The following ABHD17C variants were observed in gnomAD, a reference collection of about 807,000 sequenced individuals.
ABHD17C encodes abhydrolase domain containing 17C, depalmitoylase, also known as alpha/beta hydrolase domain-containing protein 17C.
Under a neutral mutation model 27.9 loss-of-function variants are expected in ABHD17C, and 11 were observed. The observed-to-expected ratio is 0.39, with a 90% confidence interval of 0.25 to 0.65. The LOEUF (loss-of-function observed/expected upper bound fraction) is 0.65, where lower values mean the gene tolerates loss of function less well. Ranked by LOEUF, ABHD17C falls within the 30% of genes least tolerant of loss-of-function variation. ABHD17C has a pLI of 0.45. For synonymous variants in ABHD17C, 233 were observed against 209.1 expected, an observed-to-expected ratio of 1.11 and a Z score of -0.98; for missense variants, 280 against 470.2, an observed-to-expected ratio of 0.60 and a Z score of 3.74.
rs1448680140 is a variant in ABHD17C, at chr15:80,733,990, TA to T, written c.591-15522del. On this transcript the variant is annotated intron_variant, in intron 1 of 2. Coordinates refer to ENST00000258884, the MANE Select transcript of ABHD17C (RefSeq NM_021214.2). ...TTATTTATTTATTTATTTATTTATT[TA>T]TTTATTTTTTTAAAACAGGGTCTGG... 8.7e-3 allele frequency among the ~76,000 whole-genome samples: 1,162 copies of T among 133,770 alleles called. 9 individuals are homozygous for T. Among genetic ancestry groups the T allele is most frequent in the Middle Eastern group, 0.027 (7 of 260 alleles). 87.8% of individuals were successfully genotyped at this position (133,770 alleles called of 152,430 possible). A position where few individuals can be genotyped will look rare whatever the true frequency, so the allele number is the denominator to read the frequency against.
At chr15:80,729,210 G>A (rs974565813) in intron 1 of ABHD17C, among the ~76,000 whole-genome samples, 2 of 152,178 alleles carry the variant, frequency 1.3e-5, no homozygotes, top group Non-Finnish European at 2.9e-5. Flanking sequence ...GCCTCACAGA[G>A]AGAACCTAGC....
chr15:80,701,223 C>CTCAGGG (rs1243026823), intron 1 of ABHD17C, among the ~76,000 whole-genome samples: 2 of 152,100 alleles, frequency 1.3e-5, no homozygotes, highest in South Asian at 2.1e-4. Context: ...AGCCAGCAGT[C>CTCAGGG]TCAGGGTGGA....
intron 1 of ABHD17C, among the ~76,000 whole-genome samples, chr15:80,724,684 C>G (rs1390954592): frequency 6.6e-6 from 1 of 152,176 alleles, no homozygotes; most frequent in Non-Finnish European, 1.5e-5. Flanking sequence ...AGAGTTGCCC[C>G]CAAGCTCTGT....
At chr15:80,739,532 T>G (rs1191433320) in intron 1 of ABHD17C, among the ~76,000 whole-genome samples, 1 of 152,152 alleles carries the variant, frequency 6.6e-6, no homozygotes, top group Admixed American at 6.5e-5. Context: ...CTCCCCATGG[T>G]AATGAGTTCT....
At position 80,695,972 on chromosome 15, in the gene ABHD17C, G is replaced by T; in HGVS notation, c.543G>T (p.Lys181Asn). 1.3e-6 allele frequency: 2 copies of T among 1,591,222 alleles called. No individual in the cohort carries two copies. The highest frequency in any genetic ancestry group is 1.7e-6 in the Non-Finnish European group (2 of 1,176,540). Residue 181 changes from lysine (K) to asparagine (N), a missense_variant, in exon 1 of 3, where the codon AAG (lysine) becomes AAT (asparagine). Transcript: ENST00000258884. The surrounding 1 kb of genome is among the most constrained non-coding windows in gnomAD (Gnocchi z 4.3). ...YGVSSGKPSE[K>N]NLYADIDAAW... ...TCAGCTCGGGCAAGCCCTCCGAGAA[G>T]AACCTCTACGCCGACATCGACGCCG...
At chr15:80,748,538 A>T (rs895001078) in intron 1 of ABHD17C, among the ~76,000 whole-genome samples, 1 of 151,896 alleles carries the variant, frequency 6.6e-6, no homozygotes, top group Non-Finnish European at 1.5e-5. Context: ...ACATCTTTCT[A>T]TGTGTGTATT....
At chr15:80,715,560 CTG>C (rs1442767688) in intron 1 of ABHD17C, among the ~76,000 whole-genome samples, 1 of 152,270 alleles carries the variant, frequency 6.6e-6, no homozygotes, top group East Asian at 1.9e-4. Flanking sequence ...TTTTAAAAAA[CTG>C]AAAGGAATGA....
chr15:80,749,488 G>A, intron 1 of ABHD17C, 25 bp from the exon 2 acceptor site: 1 of 1,607,782 alleles, frequency 6.2e-7, no homozygotes, highest in Non-Finnish European at 8.5e-7. Flanking sequence ...CTTAGCTAAT[G>A]GCATACAACC....
intron 1 of ABHD17C, among the ~76,000 whole-genome samples, chr15:80,728,278 C>T (rs1249676250): frequency 6.6e-6 from 1 of 152,240 alleles, no homozygotes; most frequent in Non-Finnish European, 1.5e-5. Flanking sequence ...GCACACTCAC[C>T]TACCTACAAA....
At chr15:80,730,824 A>G (rs892958187) in intron 1 of ABHD17C, among the ~76,000 whole-genome samples, 3 of 152,116 alleles carry the variant, frequency 2.0e-5, no homozygotes, top group Non-Finnish European at 4.4e-5. Context: ...GGATATTGTA[A>G]TTGTTTATGG....
Position 80,754,934 on chromosome 15 carries a change from A to C in ABHD17C, c.*564A>C, listed in dbSNP as rs1279252193. 6.6e-6 allele frequency: 1 copy of C among 152,280 alleles called. No individual in the cohort carries two copies. The highest frequency in any genetic ancestry group is 1.5e-5 in the Non-Finnish European group (1 of 68,080). 9.4% of individuals were successfully genotyped at this position (152,280 alleles called of 1,614,324 possible). On this transcript the variant is annotated 3_prime_UTR_variant, in exon 3 of 3. Coordinates refer to ENST00000258884, the MANE Select transcript of ABHD17C (RefSeq NM_021214.2). ...GTGTACAGCTTCATCAACTGTAACC[A>C]TATAAATATAACTGGAATATTCTTA...
At chr15:80,713,354 C>CTT (rs67320992) in intron 1 of ABHD17C, among the ~76,000 whole-genome samples, 1,137 of 43,822 alleles carry the variant, frequency 0.026, 235 homozygotes, top group African/African-American at 0.096. Context: ...AGGTCTTGTT[C>CTT]TTTTTTTTTT....
intron 2 of ABHD17C, among the ~76,000 whole-genome samples, chr15:80,752,638 C>G (rs1313812674): frequency 6.6e-6 from 1 of 152,204 alleles, no homozygotes; most frequent in African/African-American, 2.4e-5. Flanking sequence ...TTACTTTTAA[C>G]AAAAAGATTC....
chr15:80,708,513 C>T (rs142160286), intron 1 of ABHD17C, among the ~76,000 whole-genome samples: 16,853 of 152,154 alleles, frequency 0.11, 1,185 homozygotes, highest in South Asian at 0.22. Flanking sequence ...ACAGTGTTTT[C>T]GCCATGTTGG....
chr15:80,735,524 C>G (rs1895118437), intron 1 of ABHD17C, among the ~76,000 whole-genome samples: 1 of 152,148 alleles, frequency 6.6e-6, no homozygotes, highest in African/African-American at 2.4e-5. Flanking sequence ...TGTGTGCGTT[C>G]CCAAGCCTTT....
chr15:80,726,501 GTTTTTTTTTTTTTTTTTT>G (rs10572505), intron 1 of ABHD17C, among the ~76,000 whole-genome samples: 1 of 94,508 alleles, frequency 1.1e-5, no homozygotes, highest in Admixed American at 1.3e-4. Flanking sequence ...TCTTTTTCTG[GTTTTTTTTTTTTTTTTTT>G]TTTTTTTTTT....
At chr15:80,738,803 A>G (rs1895167814) in intron 1 of ABHD17C, among the ~76,000 whole-genome samples, 1 of 152,184 alleles carries the variant, frequency 6.6e-6, no homozygotes, top group African/African-American at 2.4e-5. Context: ...TGGGGAGGCT[A>G]GAGTTCAGAT....
intron 1 of ABHD17C, chr15:80,702,803 G>A (rs139427972): frequency 1.3e-5 from 2 of 152,294 alleles, no homozygotes; most frequent in East Asian, 1.9e-4. Flanking sequence ...TATACAGTTA[G>A]GAGATTATTA....
At chr15:80,738,040 C>T (rs1895157824) in intron 1 of ABHD17C, among the ~76,000 whole-genome samples, 1 of 151,226 alleles carries the variant, frequency 6.6e-6, no homozygotes, top group Admixed American at 6.6e-5. Context: ...ATGAGTGGGA[C>T]AGTTTATATA....
Sources: gnomAD v4.1 joint callset for allele counts (sites outside exome capture counted in the v4.1 genomes callset) on GRCh38, gnomAD v4.1.1 for gene constraint, Gnocchi (gnomAD v3.1) non-coding constraint, MANE v1.5 for transcripts, NCBI Gene and HGNC (gene_info 2026-07-23, HGNC 2026-07-21) for gene names.